The following ZPBP2 variants were observed in gnomAD, a reference collection of about 807,000 sequenced individuals.
The protein encoded by ZPBP2 is zona pellucida binding protein 2.
In ZPBP2, 34 loss-of-function variants were observed where a neutral mutation model predicts 37.5. That is an observed-to-expected ratio of 0.91 (90% CI 0.69 to 1.21). ZPBP2 has a LOEUF of 1.21. ZPBP2 is among the 50% of genes most tolerant of loss of function. ZPBP2 has a pLI of 0.00. For missense variants in ZPBP2, 397 were observed against 413.5 expected (o/e 0.96, Z 0.35); for synonymous variants, 143 against 138.4 (o/e 1.03, Z -0.23).
At chr17:39,874,573 A>C (rs985087145) in intron 6 of ZPBP2, among the ~76,000 whole-genome samples, 2 of 151,892 alleles carry the variant, frequency 1.3e-5, no homozygotes, top group Non-Finnish European at 2.9e-5. Context: ...CTGGGATTAC[A>C]GGTGCCTGCC....
At chr17:39,873,179 CAG>C (rs1274147512) in intron 6 of ZPBP2, 53 bp downstream of exon 6, 3 of 1,554,186 alleles carry the variant, frequency 1.9e-6, no homozygotes, top group Non-Finnish European at 1.8e-6. Context: ...TTTTTAGAGA[CAG>C]GGTGTCACCC....
Position 39,872,126 on chromosome 17 carries a change from GACTA to G in ZPBP2, c.407-140_407-137del, listed in dbSNP as rs1179922646. On this transcript the variant is annotated intron_variant, in intron 4 of 7. Transcript: ENST00000348931. ...TAATAGTTTTATGTATTTTTGTGAG[GACTA>G]ACTGATAAAACGTTATGTTTCTATG... 4.6e-5 allele frequency: 26 copies of G among 564,276 alleles called. No homozygotes were observed. In the South Asian group the frequency reaches 7.5e-4, roughly 16 times the overall value. 35.0% of individuals were successfully genotyped at this position (564,276 alleles called of 1,614,324 possible). A position where few individuals can be genotyped will look rare whatever the true frequency, so the allele number is the denominator to read the frequency against.
rs1398403065 is a variant in ZPBP2, at chr17:39,876,724, C to T, written c.932C>T (p.Thr311Ile). 8 of 1,613,948 alleles carry T rather than the reference C, an allele frequency of 5.0e-6. No individual in the cohort carries two copies. The highest frequency in any genetic ancestry group is 6.8e-6 in the Non-Finnish European group (8 of 1,179,890). ...ACTTTTAGTCCTGATGTTAATGTAA[C>T]TTGTCAGACCTGCGTTTCCGTCCTT... ...PATFSPDVNV[T>I]CQTCVSVLTY... is the part of the protein sequence containing the mutation. Residue 311 changes from threonine to isoleucine, a missense_variant, in exon 8 of 8, where the codon ACT becomes ATT. Thr to Ile is a moderately conservative substitution (Grantham distance 89, BLOSUM62 -1). Transcript: ENST00000348931.
chr17:39,875,087 T>C (rs1166854056), intron 6 of ZPBP2, among the ~76,000 whole-genome samples, 167 bp from the exon 7 acceptor site: 1 of 152,264 alleles, frequency 6.6e-6, no homozygotes, highest in Non-Finnish European at 1.5e-5. Flanking sequence ...TTGACAACAG[T>C]TGATAAGGTC....
In ZPBP2 at chr17:39,868,313, A is replaced by T; in HGVS notation, c.-42A>T. 6.3e-7 allele frequency: 1 copy of T among 1,599,834 alleles called. No individual in the cohort carries two copies. Among genetic ancestry groups the T allele is most frequent in the Non-Finnish European group, 8.5e-7 (1 of 1,177,546 alleles). On this transcript the variant is annotated 5_prime_UTR_variant, in exon 1 of 8. Coordinates refer to ENST00000348931, the MANE Select transcript of ZPBP2 (RefSeq NM_199321.3). Reference sequence around the variant, plus strand: ...TTGGGCCAGGGCTGAGGTAGGAGGGAGTCTGTCCCTCGACGCCTCCTGCGA... The same window carrying T: ...TTGGGCCAGGGCTGAGGTAGGAGGGTGTCTGTCCCTCGACGCCTCCTGCGA...
At chr17:39,875,719 C>T (rs1030614151) in intron 7 of ZPBP2, among the ~76,000 whole-genome samples, 1 of 151,428 alleles carries the variant, frequency 6.6e-6, no homozygotes, top group African/African-American at 2.4e-5. Flanking sequence ...CTGCCTCAGC[C>T]TCCCCAGTAG....
In ZPBP2 at chr17:39,872,379, TA is replaced by T. The variant is rs768395283; in HGVS notation, c.517del (p.Ser173ValfsTer2). 11 of 1,613,550 alleles carry T rather than the reference TA, an allele frequency of 6.8e-6. No homozygotes were observed. The highest frequency in any genetic ancestry group is 9.3e-6 in the Non-Finnish European group (11 of 1,179,752). On this transcript the variant is annotated frameshift_variant, in exon 5 of 8. Transcript: ENST00000348931. LOFTEE classifies it high-confidence loss of function. ...TTAGAGTGCTGAAGAAAATCTTGGA[TA>T]GTCTAATTTCTGATTTGTCATGCCA... Reference protein sequence around the residue: ...FFRVLKKILDSLISDLSCHVI... With the variant: ...FFRVLKKILDXLISDLSCHVI...
rs74805134 is a variant in ZPBP2, at chr17:39,868,233, G to A, written c.-122G>A. 9.0e-3 allele frequency: 10,135 copies of A among 1,128,116 alleles called. 590 individuals are homozygous for A. The African/African-American group carries it at 0.13, about 14-fold the overall frequency. The allele number at this position is 1,128,116 out of a possible 1,614,324, so 69.9% of individuals were successfully genotyped here. On this transcript the variant is annotated 5_prime_UTR_variant, in exon 1 of 8. Coordinates refer to ENST00000348931, the MANE Select transcript of ZPBP2 (RefSeq NM_199321.3). ...CCGCTCCCGCCGTTGCGACGGACGG[G>A]TAGGGGAGGCGACCCCGGCGTTCTG...
At chr17:39,875,542 CAA>C in intron 7 of ZPBP2, 108 bp downstream of exon 7, 1 of 828,652 alleles carries the variant, frequency 1.2e-6, no homozygotes, top group Admixed American at 4.1e-5. Context: ...ATTCTCTTAC[CAA>C]AAAATATATA....
chr17:39,873,080 A>G lies in ZPBP2; in HGVS notation c.662A>G (p.Asn221Ser), dbSNP rs2063372844. 2 of 1,612,390 alleles carry G rather than the reference A, an allele frequency of 1.2e-6. No individual in the cohort carries two copies. The highest frequency in any genetic ancestry group is 1.7e-6 in the Non-Finnish European group (2 of 1,179,338). Residue 221 changes from asparagine to serine, a missense_variant, in exon 6 of 8, where the codon AAT becomes AGT. By Grantham distance (46) the Asn-to-Ser change is conservative (BLOSUM62 1). Transcript: ENST00000348931. ...GCGCCGGGGTGGAAAGGTGCTTGCA[A>G]TGGATCTGTTGACTGTGAAGATACC... The part of the protein sequence containing the change: ...PFAPGWKGAC[N>S]GSVDCEDTTN...
intron 2 of ZPBP2, among the ~76,000 whole-genome samples, chr17:39,869,010 A>G (rs371973926): frequency 6.6e-6 from 1 of 152,200 alleles, no homozygotes; most frequent in Admixed American, 6.5e-5. Context: ...GGCTCAGCTC[A>G]AATGTCCTTT....
chr17:39,872,237 GTT>G lies in ZPBP2; in HGVS notation c.407-30_407-29del. The G allele has an allele frequency of 2.6e-6, 4 of 1,527,410 alleles. No homozygotes were observed. The South Asian group carries it at 4.9e-5, about 19-fold the overall frequency. The allele number at this position is 1,527,410 out of a possible 1,614,324, so 94.6% of individuals were successfully genotyped here. A position where few individuals can be genotyped will look rare whatever the true frequency, so the allele number is the denominator to read the frequency against. Reference sequence around the variant, plus strand: ...GAGGAAATTAATGCTAGGTACGATTGTTTTCACTCTCATCTTTCTTTTTTTTT... The same window carrying G: ...GAGGAAATTAATGCTAGGTACGATTGTTCACTCTCATCTTTCTTTTTTTTT... On this transcript the variant is annotated intron_variant, in intron 4 of 7. Coordinates refer to ENST00000348931, the MANE Select transcript of ZPBP2 (RefSeq NM_199321.3).
At chr17:39,874,437 CATTTT>C (rs1304207153) in intron 6 of ZPBP2, among the ~76,000 whole-genome samples, 1 of 151,836 alleles carries the variant, frequency 6.6e-6, no homozygotes, top group Non-Finnish European at 1.5e-5. Context: ...TTTTTCTTTT[CATTTT>C]ATTTTGTTTT....
intron 2 of ZPBP2, among the ~76,000 whole-genome samples, chr17:39,869,787 G>C (rs574799113): frequency 7.6e-6 from 1 of 131,318 alleles, no homozygotes; most frequent in Admixed American, 8.2e-5. Context: ...ATCTCGGGTC[G>C]CTGCAACCTC....
chr17:39,868,208 C>A lies in ZPBP2; in HGVS notation c.-147C>A, dbSNP rs1016494039. 1.2e-5 allele frequency: 10 copies of A among 818,636 alleles called. No individual in the cohort carries two copies. In the African/African-American group the frequency reaches 1.5e-4, roughly 13 times the overall value. The allele number at this position is 818,636 out of a possible 1,614,324, so 50.7% of individuals were successfully genotyped here. A position where few individuals can be genotyped will look rare whatever the true frequency, so the allele number is the denominator to read the frequency against. On this transcript the variant is annotated 5_prime_UTR_variant, in exon 1 of 8. Coordinates refer to ENST00000348931, the MANE Select transcript of ZPBP2 (RefSeq NM_199321.3). Reference sequence around the variant, plus strand: ...AGCACGCACGCGTTCTCCTGCGCGTCCGCTCCCGCCGTTGCGACGGACGGG... The same window carrying A: ...AGCACGCACGCGTTCTCCTGCGCGTACGCTCCCGCCGTTGCGACGGACGGG...
chr17:39,871,257 CAAAG>C (rs1465440154), intron 3 of ZPBP2, among the ~76,000 whole-genome samples: 1 of 152,014 alleles, frequency 6.6e-6, no homozygotes, highest in Non-Finnish European at 1.5e-5. Context: ...TGCCAAGAAA[CAAAG>C]AAAACCAAAA....
In ZPBP2 at chr17:39,875,984, C is replaced by T. The variant is rs142670035; in HGVS notation, c.889+550C>T. On this transcript the variant is annotated intron_variant, in intron 7 of 7. Coordinates refer to ENST00000348931, the MANE Select transcript of ZPBP2 (RefSeq NM_199321.3). ...AGTGTGGCGCAGTCTCAGCTTATGG[C>T]AACTCTGCCTCCCAAGCTCAAACCA... is the stretch of plus-strand genomic sequence containing the variant. Among the ~76,000 whole-genome samples, 975 of 139,912 alleles carry T rather than the reference C, an allele frequency of 7.0e-3. 17 individuals carry two copies. The highest frequency in any genetic ancestry group is 0.025 in the African/African-American group (933 of 37,732). The allele number at this position is 139,912 out of a possible 152,430, so 91.8% of individuals were successfully genotyped here.
At chr17:39,870,661 A>C (rs754136889) in intron 2 of ZPBP2, 33 bp from the exon 3 acceptor site, 1 of 1,258,370 alleles carries the variant, frequency 7.9e-7, no homozygotes, top group Non-Finnish European at 1.1e-6. Context: ...TTTGCTATAT[A>C]ATGTAGTTAT....
At chr17:39,876,030 G>C (rs1283503295) in intron 7 of ZPBP2, among the ~76,000 whole-genome samples, 1 of 150,810 alleles carries the variant, frequency 6.6e-6, no homozygotes, top group Non-Finnish European at 1.5e-5. Context: ...TCAGCCTCCT[G>C]AGTAGCCAGG....
Sources: gnomAD v4.1 joint callset for allele counts (sites outside exome capture counted in the v4.1 genomes callset) on GRCh38, gnomAD v4.1.1 for gene constraint, MANE v1.5 for transcripts, NCBI Gene and HGNC (gene_info 2026-07-23, HGNC 2026-07-21) for gene names.